Variants in ITFG2 observed in about 807,000 individuals in gnomAD.
The protein encoded by ITFG2 is integrin alpha FG-GAP repeat containing 2.
In ITFG2, 36 loss-of-function variants were observed where a neutral mutation model predicts 54.4. The observed-to-expected ratio is 0.66, with a 90% CI of 0.51 to 0.87. The LOEUF is 0.87. ITFG2 is among the 40% of genes least tolerant of loss of function. The pLI is 0.00. For missense variants in ITFG2, 524 were observed against 576.7 expected, an observed-to-expected ratio of 0.91 and a Z score of 0.94; for synonymous variants, 211 against 225.4, an observed-to-expected ratio of 0.94 and a Z score of 0.57.
downstream of ITFG2, chr12:2,827,956 C>T: frequency 6.2e-7 from 1 of 1,614,238 alleles, no homozygotes; most frequent in Non-Finnish European, 8.5e-7. The surrounding 1 kb of genome is among the most constrained non-coding windows in gnomAD (Gnocchi z 4.0). Context: ...ACCACAGTCT[C>T]CTGCCCCAGC....
intron 2 of ITFG2, among the ~76,000 whole-genome samples, chr12:2,856,150 C>T (rs1195304366): frequency 6.6e-6 from 1 of 152,132 alleles, no homozygotes; most frequent in Non-Finnish European, 1.5e-5. Flanking sequence ...TTGCTATCGT[C>T]CCCATCTCAA....
chr12:2,851,107 GTGCCGAGATCATACCAT>G (rs2098069502), intron 2 of ITFG2, among the ~76,000 whole-genome samples: 1 of 149,608 alleles, frequency 6.7e-6, no homozygotes, highest in African/African-American at 2.5e-5. Flanking sequence ...GCAGTGAGCA[GTGCCGAGATCATACCAT>G]TGCACTCCAG....
At chr12:2,824,023 A>T in intron 11 of ITFG2, 67 bp from the exon 12 acceptor site, 1 of 1,613,448 alleles carries the variant, frequency 6.2e-7, no homozygotes, top group Non-Finnish European at 8.5e-7. Context: ...GGTGAGTCCC[A>T]GAAAAGCCAG....
intron 1 of ITFG2, among the ~76,000 whole-genome samples, chr12:2,816,063 G>C (rs1350603172): frequency 7.0e-6 from 1 of 143,572 alleles, no homozygotes. Flanking sequence ...ACAGAGTCTC[G>C]CTCTGTCATC....
upstream of ITFG2, among the ~76,000 whole-genome samples, chr12:2,833,381 C>T (rs1344453551): frequency 6.6e-6 from 1 of 152,100 alleles, no homozygotes; most frequent in Non-Finnish European, 1.5e-5. Flanking sequence ...TGAATTAAGT[C>T]TCAGTGCAAT....
At chr12:2,814,793 C>T (rs144337788) in intron 1 of ITFG2, among the ~76,000 whole-genome samples, 1 of 152,026 alleles carries the variant, frequency 6.6e-6, no homozygotes, top group Admixed American at 6.6e-5. Flanking sequence ...GATCACACTA[C>T]GGTACTCCAG....
chr12:2,827,374 C>G, downstream of ITFG2: 3 of 1,542,812 alleles, frequency 1.9e-6, no homozygotes, highest in Non-Finnish European at 2.6e-6. This position sits in a 1 kb window ranked among gnomAD's most constrained non-coding sequence, Gnocchi z 4.0. Flanking sequence ...TTTTGTTCCC[C>G]CTCCCACTTC....
chr12:2,848,126 G>C (rs982034063), intron 2 of ITFG2, among the ~76,000 whole-genome samples: 1 of 152,194 alleles, frequency 6.6e-6, no homozygotes. Context: ...CTGCTTAGTG[G>C]TTAAAGCAGC....
At chr12:2,833,946 C>T (rs544095059), upstream of ITFG2, among the ~76,000 whole-genome samples, 13 of 152,358 alleles carry the variant, frequency 8.5e-5, no homozygotes, top group East Asian at 1.9e-4. Flanking sequence ...TGCGCAGCCC[C>T]GCTTGTCAGC....
intron 2 of ITFG2, among the ~76,000 whole-genome samples, chr12:2,841,289 C>A (rs1245615868): frequency 6.6e-6 from 1 of 152,206 alleles, no homozygotes; most frequent in Non-Finnish European, 1.5e-5. Flanking sequence ...CCCTGGGTTC[C>A]CTCTGCAGAA....
chr12:2,821,020 ATTACT>A (rs1293377550), intron 6 of ITFG2, 148 bp downstream of exon 6: 3 of 885,844 alleles, frequency 3.4e-6, no homozygotes, highest in African/African-American at 3.4e-5. Flanking sequence ...ACTGGGGAAG[ATTACT>A]TTAAGACCAA....
At chr12:2,839,542 T>C (rs1336240300) in intron 1 of ITFG2, among the ~76,000 whole-genome samples, 1 of 152,198 alleles carries the variant, frequency 6.6e-6, no homozygotes, top group East Asian at 1.9e-4. Flanking sequence ...TTCGCTGCAT[T>C]GGTTCTTCTA....
chr12:2,817,686 T>A (rs1469527525), intron 2 of ITFG2: 32 of 524,270 alleles, frequency 6.1e-5, no homozygotes, highest in Non-Finnish European at 1.0e-5. Context: ...TTATTTTAAG[T>A]GCAGGTTGTC....
upstream of ITFG2, chr12:2,836,613 C>T (rs948435079): frequency 2.0e-5 from 3 of 152,240 alleles, no homozygotes; most frequent in Non-Finnish European, 4.4e-5. Flanking sequence ...CTTCACCCCC[C>T]AAATGTACCC....
At chr12:2,847,535 C>T (rs930051705) in intron 2 of ITFG2, among the ~76,000 whole-genome samples, 5 of 152,016 alleles carry the variant, frequency 3.3e-5, no homozygotes, top group Admixed American at 6.5e-5. Context: ...GGCATCGTGG[C>T]GCACGCCTGT....
downstream of ITFG2, among the ~76,000 whole-genome samples, chr12:2,829,362 G>T (rs1365214379): frequency 1.3e-5 from 2 of 152,178 alleles, no homozygotes; most frequent in African/African-American, 4.8e-5. Context: ...CATTCATTGA[G>T]TATTTACTAT....
upstream of ITFG2, chr12:2,834,616 C>A: frequency 6.5e-7 from 1 of 1,546,268 alleles, no homozygotes; most frequent in Non-Finnish European, 8.7e-7. Flanking sequence ...CCAGGGGACG[C>A]TGGCAGGGGA....
intron 1 of ITFG2, among the ~76,000 whole-genome samples, chr12:2,814,666 C>CA (rs1371980902): frequency 6.6e-6 from 1 of 151,402 alleles, no homozygotes; most frequent in East Asian, 1.9e-4. Flanking sequence ...TCCGTCTTTA[C>CA]AAAAAAATAG....
intron 3 of ITFG2, chr12:2,858,352 G>T (rs1017580544): frequency 5.0e-6 from 2 of 402,728 alleles, no homozygotes; most frequent in Admixed American, 4.0e-5. Context: ...GCTGGGCAGA[G>T]AATGGAAACA....
Sources: gnomAD v4.1 joint callset for allele counts (sites outside exome capture counted in the v4.1 genomes callset) on GRCh38, gnomAD v4.1.1 for gene constraint, Gnocchi (gnomAD v3.1) non-coding constraint, MANE v1.5 for transcripts, NCBI Gene and HGNC (gene_info 2026-07-23, HGNC 2026-07-21) for gene names.